Variants in SGCD observed in about 807,000 individuals in gnomAD.
SGCD encodes the protein sarcoglycan delta, also known as delta-sarcoglycan.
Under a neutral mutation model 36.6 loss-of-function variants are expected in SGCD, and 18 were observed. The ratio of observed to expected loss-of-function variants is 0.49; its 90% CI spans 0.34 to 0.73. The LOEUF (loss-of-function observed/expected upper bound fraction) is 0.73. Ranked by LOEUF, SGCD falls within the 30% of genes least tolerant of loss-of-function variation. SGCD has a pLI of 0.01. For synonymous variants in SGCD, 133 were observed against 130.6 expected, an observed-to-expected ratio of 1.02 and a Z score of -0.12; for missense variants, 387 against 346.7, an observed-to-expected ratio of 1.12 and a Z score of -0.92.
At chr5:155,954,265 C>T (rs1267658495) in intron 1 of SGCD, among the ~76,000 whole-genome samples, 1 of 152,134 alleles carries the variant, frequency 6.6e-6, no homozygotes, top group Non-Finnish European at 1.5e-5. Context: ...TTCCCTATTG[C>T]TTCTTGAACT....
intron 1 of SGCD, among the ~76,000 whole-genome samples, chr5:156,094,711 C>T (rs927285166): frequency 6.6e-6 from 1 of 152,082 alleles, no homozygotes; most frequent in Non-Finnish European, 1.5e-5. Context: ...AGATAGAAAT[C>T]TTGTTGCTTG....
chr5:156,465,051 G>T (rs1276136428), intron 3 of SGCD, among the ~76,000 whole-genome samples: 1 of 152,030 alleles, frequency 6.6e-6, no homozygotes, highest in Non-Finnish European at 1.5e-5. Flanking sequence ...AAAATAAATT[G>T]GATGTTACTG....
At chr5:155,825,964 G>C in the SGCD span, among the ~76,000 whole-genome samples, 1 of 152,074 alleles carries the variant, frequency 6.6e-6, no homozygotes, top group Non-Finnish European at 1.5e-5. Flanking sequence ...TGGCCAGGCT[G>C]GTCTCGAACT....
chr5:156,698,475 C>G (rs1754402452), intron 7 of SGCD, among the ~76,000 whole-genome samples: 1 of 152,214 alleles, frequency 6.6e-6, no homozygotes, highest in African/African-American at 2.4e-5. Flanking sequence ...TAGCAATCAG[C>G]TGGAAGGAAC....
At chr5:156,684,252 G>T (rs895450687) in intron 7 of SGCD, among the ~76,000 whole-genome samples, 1 of 152,068 alleles carries the variant, frequency 6.6e-6, no homozygotes, top group Non-Finnish European at 1.5e-5. Context: ...GGCATTCTGG[G>T]TGGTGGAGGT....
At chr5:156,596,193 A>G (rs1165866570) in intron 6 of SGCD, among the ~76,000 whole-genome samples, 1 of 152,146 alleles carries the variant, frequency 6.6e-6, no homozygotes, top group Admixed American at 6.5e-5. Flanking sequence ...TGCTGTTACT[A>G]CTTATACTAC....
the SGCD span, among the ~76,000 whole-genome samples, chr5:155,754,360 A>C: frequency 6.6e-6 from 1 of 152,240 alleles, no homozygotes; most frequent in African/African-American, 2.4e-5. Flanking sequence ...GACTTCAGAC[A>C]GTGAGCAGGC....
chr5:156,568,567 C>T (rs1383919305), intron 4 of SGCD, among the ~76,000 whole-genome samples: 2 of 152,282 alleles, frequency 1.3e-5, no homozygotes, highest in South Asian at 2.1e-4. Flanking sequence ...GACTGGCTAG[C>T]AAGTCACTCA....
At chr5:156,175,929 C>A (rs558947020) in intron 3 of SGCD, among the ~76,000 whole-genome samples, 11 of 150,766 alleles carry the variant, frequency 7.3e-5, no homozygotes, top group African/African-American at 2.7e-4. Flanking sequence ...AGCATACATG[C>A]GGCTATTTTT....
chr5:155,781,010 G>A, the SGCD span, among the ~76,000 whole-genome samples: 1 of 152,108 alleles, frequency 6.6e-6, no homozygotes, highest in African/African-American at 2.4e-5. Flanking sequence ...TCCCCTGTTT[G>A]TGTGTTTAAG....
At chr5:156,116,673 G>A (rs1761912694) in intron 1 of SGCD, among the ~76,000 whole-genome samples, 1 of 152,068 alleles carries the variant, frequency 6.6e-6, no homozygotes, top group Non-Finnish European at 1.5e-5. Context: ...AGACTCTCCT[G>A]CATTCTAATC....
chr5:155,752,400 A>G, the SGCD span, among the ~76,000 whole-genome samples: 2 of 83,004 alleles, frequency 2.4e-5, no homozygotes, highest in Non-Finnish European at 3.8e-5. Context: ...TGCTTTTCCT[A>G]TGATTTCTTG....
chr5:156,166,413 T>A (rs535443273), intron 3 of SGCD, among the ~76,000 whole-genome samples: 22 of 152,108 alleles, frequency 1.4e-4, no homozygotes, highest in Non-Finnish European at 2.5e-4. Context: ...GCCTCCTGGG[T>A]TCACGTCATT....
rs527439167 is a variant in SGCD at position 155,908,117 on chromosome 5, A to T, written c.-282+37693A>T. Among the ~76,000 whole-genome samples the T allele has an allele frequency of 1.2e-4, 18 of 152,268 alleles. No individual in the cohort carries two copies. The East Asian group carries it at 3.5e-3, about 29-fold the overall frequency. ...GATCATTAGCAATTACTAACTGTAA[A>T]GTATTTTTAATTAACATGTACATAT... On this transcript the variant is annotated intron_variant, in intron 1 of 9. Coordinates refer to the SGCD transcript ENST00000517913.
At chr5:156,337,405 C>T (rs1398372677) in intron 2 of SGCD, among the ~76,000 whole-genome samples, 3 of 152,150 alleles carry the variant, frequency 2.0e-5, no homozygotes, top group Non-Finnish European at 2.9e-5. Context: ...ATCAGTCTTG[C>T]TGTATTTTTC....
intron 4 of SGCD, among the ~76,000 whole-genome samples, chr5:156,576,589 G>C (rs747441512): frequency 3.9e-5 from 6 of 152,132 alleles, no homozygotes; most frequent in Admixed American, 6.5e-5. Context: ...AGCACTTGTT[G>C]TTTCCCAATT....
At chr5:155,994,281 C>A (rs1320961514) in intron 1 of SGCD, among the ~76,000 whole-genome samples, 1 of 152,244 alleles carries the variant, frequency 6.6e-6, no homozygotes. Flanking sequence ...AGAAAATGGG[C>A]CTCTGAGCAG....
In SGCD at chr5:156,203,839, T is replaced by C. The variant is rs537242726; in HGVS notation, c.-44+79820T>C. ...CAGTGCTCCATCCAGTACTATGACATAGCATAAACATGAGGAGGTAATTTT... is the reference window on the plus strand; with the variant it reads ...CAGTGCTCCATCCAGTACTATGACACAGCATAAACATGAGGAGGTAATTTT... On this transcript the variant is annotated intron_variant, in intron 3 of 9. Transcript: ENST00000517913. Among the ~76,000 whole-genome samples, 207 of 152,068 alleles carry C rather than the reference T, an allele frequency of 1.4e-3. 4 individuals are homozygous for C. The highest frequency in any genetic ancestry group is 5.1e-4 in the Non-Finnish European group (35 of 67,988).
intron 3 of SGCD, among the ~76,000 whole-genome samples, chr5:156,195,560 C>G (rs1015754966): frequency 6.6e-6 from 1 of 152,180 alleles, no homozygotes; most frequent in Non-Finnish European, 1.5e-5. Context: ...TCATCCCTCA[C>G]TATCCAGTAA....
Sources: allele counts gnomAD v4.1 joint callset (sites outside exome capture counted in the v4.1 genomes callset), GRCh38; gene constraint gnomAD v4.1.1; transcripts MANE v1.5; gene names NCBI Gene and HGNC (gene_info 2026-07-23, HGNC 2026-07-21).